Variants in KIF14 observed in about 807,000 individuals in gnomAD.
KIF14 encodes the protein kinesin-like protein KIF14.
Under a neutral mutation model 176.2 loss-of-function variants are expected in KIF14, and 98 were observed. The ratio of observed to expected loss-of-function variants is 0.56; its 90% confidence interval spans 0.47 to 0.66. The LOEUF is 0.66. Among genes scored for constraint, KIF14 ranks in the 30% least tolerant of loss-of-function variants. KIF14 has a pLI of 0.00. For synonymous variants in KIF14, 566 were observed against 632.2 expected, an observed-to-expected ratio of 0.90 and a Z score of 1.57; for missense variants, 1,751 against 1,920.4, an observed-to-expected ratio of 0.91 and a Z score of 1.65.
chr1:200,553,440 G>A lies in KIF14; in HGVS notation c.4895C>T (p.Ser1632Phe). ...GCATTCCTCTGAGCTCACTGCTGGGGATGAGCCATGGAGCTCATAGACACG... is the reference window on the plus strand; with the variant it reads ...GCATTCCTCTGAGCTCACTGCTGGGAATGAGCCATGGAGCTCATAGACACG... Reference protein sequence around the residue: ...PKRVYELHGSSPAVSSEECTP... With the variant: ...PKRVYELHGSFPAVSSEECTP... The change falls in exon 30 of 30, where the codon TCC becomes TTC. Residue 1632 changes from serine (S) to phenylalanine (F), a missense_variant. Transcript: ENST00000367350. 1.2e-6 allele frequency: 2 copies of A among 1,613,854 alleles called. No individual in the cohort carries two copies. Among genetic ancestry groups the A allele is most frequent in the Non-Finnish European group, 1.7e-6 (2 of 1,179,866 alleles).
rs1164624349 is a variant in KIF14 at position 200,589,344 on chromosome 1, AT to A, written c.2986del (p.Met996CysfsTer4). On this transcript the variant is annotated frameshift_variant, in exon 18 of 30. Transcript: ENST00000367350. LOFTEE classifies it high-confidence loss of function. ...AGCCTTCTGGTTATTTATTTCCTGC[AT>A]TTTTTTCCTTTGAGACTCTTCTCTC... ...ELREESQRKK[M>X]QEINNQKANH... 2.5e-6 allele frequency: 4 copies of A among 1,608,596 alleles called. No homozygotes were observed. The highest frequency in any genetic ancestry group is 3.4e-6 in the Non-Finnish European group (4 of 1,176,894).
At position 200,554,352 on chromosome 1, in the gene KIF14, C is replaced by T. The variant is rs530095443; in HGVS notation, c.4567+116G>A. 76 of 663,122 alleles carry T rather than the reference C, an allele frequency of 1.1e-4. No homozygotes were observed. In the Middle Eastern group the frequency reaches 3.1e-3, roughly 27 times the overall value. 41.1% of individuals were successfully genotyped at this position (663,122 alleles called of 1,614,324 possible). On this transcript the variant is annotated intron_variant, in intron 29 of 29. Coordinates refer to ENST00000367350, the MANE Select transcript of KIF14 (RefSeq NM_014875.3). ...GTTGCAGTGAGCTGAAATCGAGCCACTGCACTCCAGCCTGAGTGACAGAGC... is the reference window on the plus strand; with the variant it reads ...GTTGCAGTGAGCTGAAATCGAGCCATTGCACTCCAGCCTGAGTGACAGAGC...
At chr1:200,559,490 G>A in intron 26 of KIF14, 38 bp from the exon 27 acceptor site, 3 of 1,296,614 alleles carry the variant, frequency 2.3e-6, no homozygotes, top group Non-Finnish European at 3.1e-6. Flanking sequence ...GAAAATTTAG[G>A]TTTTATGTAT....
At chr1:200,603,480 T>G in intron 9 of KIF14, 139 bp from the exon 10 acceptor site, 1 of 585,758 alleles carries the variant, frequency 1.7e-6, no homozygotes, top group South Asian at 2.2e-5. Context: ...AGAGTCTCAC[T>G]CTGTTGCCCA....
At chr1:200,562,562 A>C (rs1036684564) in intron 25 of KIF14, among the ~76,000 whole-genome samples, 124 of 152,276 alleles carry the variant, frequency 8.1e-4, no homozygotes, top group African/African-American at 2.8e-3. Context: ...GTGTTCTCCC[A>C]CTATTCTAGT....
chr1:200,597,827 C>T (rs1659427980), intron 14 of KIF14, among the ~76,000 whole-genome samples: 1 of 152,282 alleles, frequency 6.6e-6, no homozygotes, highest in South Asian at 2.1e-4. Context: ...AAAAAGTTTA[C>T]ATACGCTATC....
At chr1:200,553,834 TA>T in intron 29 of KIF14, 67 bp from the exon 30 acceptor site, 2 of 1,425,850 alleles carry the variant, frequency 1.4e-6, no homozygotes, top group South Asian at 1.4e-5. Flanking sequence ...TTATGACTTT[TA>T]TAGACTCTAG....
At chr1:200,561,516 G>T (rs1657154570) in intron 25 of KIF14, among the ~76,000 whole-genome samples, 1 of 151,564 alleles carries the variant, frequency 6.6e-6, no homozygotes, top group South Asian at 2.1e-4. Context: ...TCCAGCCTGG[G>T]TGACAGAGCG....
At chr1:200,580,171 C>T in intron 21 of KIF14, 83 bp downstream of exon 21, 2 of 727,514 alleles carry the variant, frequency 2.7e-6, no homozygotes, top group South Asian at 5.7e-5. Flanking sequence ...TATATATATA[C>T]TTTTTTCACC....
rs745340080 is a variant in KIF14 at position 200,553,642 on chromosome 1, G to A, written c.4693C>T (p.His1565Tyr). ...SVGSYESRVT[H>Y]IVHQELESLA... ...GATTCTAGTTCCTGGTGGACAATGT[G>A]AGTTACTCTACTCTCATAGCTGCCA... The change falls in exon 30 of 30, where the codon CAC becomes TAC. Residue 1565 changes from histidine to tyrosine, a missense_variant. His to Tyr is a moderately conservative substitution (Grantham distance 83). Transcript: ENST00000367350. 2 of 1,614,058 alleles carry A rather than the reference G, an allele frequency of 1.2e-6. No homozygotes were observed. Among genetic ancestry groups the A allele is most frequent in the South Asian group, 1.1e-5 (1 of 91,082 alleles).
chr1:200,592,335 G>C, intron 15 of KIF14, 95 bp from the exon 16 acceptor site: 1 of 911,730 alleles, frequency 1.1e-6, no homozygotes, highest in Non-Finnish European at 1.7e-6. Flanking sequence ...ATATAGTCTA[G>C]TATTAATGAT....
intron 15 of KIF14, among the ~76,000 whole-genome samples, chr1:200,593,293 A>G (rs1659146179): frequency 6.6e-6 from 1 of 152,196 alleles, no homozygotes; most frequent in Non-Finnish European, 1.5e-5. Flanking sequence ...TCTTGATGTA[A>G]TTATTAATAA....
chr1:200,559,494 T>C (rs957339758), intron 26 of KIF14, 42 bp from the exon 27 acceptor site: 11 of 1,236,490 alleles, frequency 8.9e-6, no homozygotes, highest in African/African-American at 1.6e-5. Flanking sequence ...ATTTAGGTTT[T>C]ATGTATTTTA....
At chr1:200,555,606 G>T in intron 27 of KIF14, 152 bp from the exon 28 acceptor site, 1 of 418,668 alleles carries the variant, frequency 2.4e-6, no homozygotes, top group South Asian at 8.2e-5. Flanking sequence ...TAGCTTGAGA[G>T]TACTTAAATC....
In KIF14 at chr1:200,565,210, A is replaced by T; in HGVS notation, c.3930T>A (p.Thr1310=). 6.2e-7 allele frequency: 1 copy of T among 1,612,796 alleles called. No homozygotes were observed. Among genetic ancestry groups the T allele is most frequent in the Non-Finnish European group, 8.5e-7 (1 of 1,179,678 alleles). The change falls in exon 25 of 30, where the codon ACT becomes ACA. Residue 1310 remains threonine, a synonymous_variant. Transcript: ENST00000367350. ...CTACTAGCTGCTCAAAAGCACATGCAGTCTGAATAGTAAGTGACTGGATTG... is the reference window on the plus strand; with the variant it reads ...CTACTAGCTGCTCAAAAGCACATGCTGTCTGAATAGTAAGTGACTGGATTG... ...DRAIQSLTIQ[T]ACAFEQLVVL...
chr1:200,561,504 A>C (rs775200906), intron 25 of KIF14, among the ~76,000 whole-genome samples: 3 of 151,640 alleles, frequency 2.0e-5, no homozygotes, highest in Non-Finnish European at 4.4e-5. Flanking sequence ...GCACCACTGC[A>C]CTCCAGCCTG....
intron 8 of KIF14, 106 bp from the exon 9 acceptor site, chr1:200,604,061 T>TAAATGTTTTGCTATTA: frequency 1.5e-6 from 1 of 684,992 alleles, no homozygotes. Context: ...CTTTTATTTT[T>TAAATGTTTTGCTATTA]TAAATAGTCT....
At chr1:200,557,261 CAA>C (rs1476032248) in intron 27 of KIF14, among the ~76,000 whole-genome samples, 1 of 152,148 alleles carries the variant, frequency 6.6e-6, no homozygotes, top group Non-Finnish European at 1.5e-5. Flanking sequence ...CTTGGCCTCC[CAA>C]AGTGCTGGGA....
At chr1:200,564,616 T>A (rs765389619) in intron 25 of KIF14, among the ~76,000 whole-genome samples, 5 of 152,174 alleles carry the variant, frequency 3.3e-5, no homozygotes, top group Non-Finnish European at 7.4e-5. Flanking sequence ...TCCAATCCCA[T>A]ACCCAGAGAA....
Sources: allele counts gnomAD v4.1 joint callset (sites outside exome capture counted in the v4.1 genomes callset), GRCh38; gene constraint gnomAD v4.1.1; transcripts MANE v1.5; gene names NCBI Gene and HGNC (gene_info 2026-07-23, HGNC 2026-07-21).